FAT3: variants seen among roughly 807,000 people sequenced by gnomAD.
FAT3 encodes the protein protocadherin Fat 3.
In FAT3, 95 loss-of-function variants were observed where a neutral mutation model predicts 310.2. The ratio of observed to expected loss-of-function variants is 0.31; its 90% CI spans 0.26 to 0.36. The LOEUF is 0.36. Among genes scored for constraint, FAT3 ranks in the 10% least tolerant of loss-of-function variants. The pLI, the probability that FAT3 is intolerant of heterozygous loss-of-function variation, is 1.00. For synonymous variants in FAT3, 2,314 were observed against 2,192.9 expected, an observed-to-expected ratio of 1.06 and a Z score of -1.54; for missense variants, 5,408 against 5,715.6, an observed-to-expected ratio of 0.95 and a Z score of 1.74.
At chr11:92,705,865 T>G in intron 4 of FAT3, among the ~76,000 whole-genome samples, 3 of 127,062 alleles carry the variant, frequency 2.4e-5, no homozygotes, top group South Asian at 2.6e-4. Flanking sequence ...GTGATGGTGG[T>G]GGTGTGATGG....
chr11:92,681,278 C>G (rs1168184895), intron 3 of FAT3, among the ~76,000 whole-genome samples: 2 of 152,144 alleles, frequency 1.3e-5, no homozygotes, highest in Admixed American at 1.3e-4. Flanking sequence ...TAACACAAAG[C>G]AGGGGAGACT....
At chr11:92,882,581 C>T (rs1252368786) in intron 23 of FAT3, among the ~76,000 whole-genome samples, 157 bp from the exon 24 acceptor site, 1 of 104,628 alleles carries the variant, frequency 9.6e-6, no homozygotes, top group Non-Finnish European at 2.0e-5. Context: ...AAATTAACTC[C>T]CCCTCCCCCC....
Position 92,353,183 on chromosome 11 carries a change from A to G in FAT3, c.1071A>G (p.Ser357=), listed in dbSNP as rs751643807. The part of the protein sequence containing the change: ...AKDKGSPQKC[S]ALKAVYIGNP... The stretch of plus-strand genomic sequence containing the variant: ...ACAAGGGATCTCCTCAAAAATGTTC[A>G]GCATTAAAGGCAGTCTACATTGGCA... Residue 357 remains serine (S), a synonymous_variant, in exon 2 of 28, where the codon TCA becomes TCG. Transcript: ENST00000525166. 4.3e-6 allele frequency: 7 copies of G among 1,613,780 alleles called. No homozygotes were observed. In the South Asian group the frequency reaches 4.4e-5, roughly 10 times the overall value.
chr11:92,690,506 C>T lies in FAT3; in HGVS notation c.3608-6878C>T, dbSNP rs1007087256. Among the ~76,000 whole-genome samples, 9 of 152,152 alleles carry T rather than the reference C, an allele frequency of 5.9e-5. No homozygotes were observed. In the South Asian group the frequency reaches 8.3e-4, roughly 14 times the overall value. ...AACAACCCTTACTTAAGAAGCATAT[C>T]TCGTGGGGGTAGTTTCCAGAATCCT... On this transcript the variant is annotated intron_variant, in intron 3 of 27. Transcript: ENST00000525166.
chr11:92,312,303 G>T (rs983708397), intron 1 of FAT3, among the ~76,000 whole-genome samples: 1 of 152,140 alleles, frequency 6.6e-6, no homozygotes, highest in African/African-American at 2.4e-5. Flanking sequence ...AAATGTTTTC[G>T]CAGTAGTCTG....
At chr11:92,524,534 A>G (rs923048610) in intron 2 of FAT3, 100 bp from the exon 3 acceptor site, 8 of 1,172,746 alleles carry the variant, frequency 6.8e-6, no homozygotes, top group Middle Eastern at 4.2e-4. Context: ...GGTGTTTTTC[A>G]TATGCCAAGA....
Position 92,801,017 on chromosome 11 carries a change from G to A in FAT3, c.8004G>A (p.Gln2668=), listed in dbSNP as rs151199195. 4.8e-5 allele frequency: 77 copies of A among 1,613,676 alleles called. No individual in the cohort carries two copies. The African/African-American group carries it at 8.8e-4, about 18-fold the overall frequency. Residue 2668 remains glutamine (Q), a synonymous_variant, in exon 10 of 28, where the codon CAG becomes CAA. Transcript: ENST00000525166. ...TGGTCACAAAGGGTAATTTTAACCA[G>A]CTGAAAAATACAGTGCTTTCGTTCT... ...GWMVTKGNFN[Q]LKNTVLSFFV... is the part of the protein sequence containing the mutation.
intron 3 of FAT3, among the ~76,000 whole-genome samples, chr11:92,555,454 C>T (rs2846192): frequency 6.6e-6 from 1 of 152,132 alleles, no homozygotes; most frequent in Non-Finnish European, 1.5e-5. Flanking sequence ...AAGCCAAGTG[C>T]CCTCTGGGAT....
Position 92,337,993 on chromosome 11 carries a change from G to C in FAT3, c.-17-14103G>C, listed in dbSNP as rs531434527. Among the ~76,000 whole-genome samples, 16 of 152,156 alleles carry C rather than the reference G, an allele frequency of 1.1e-4. 1 individual carries two copies. The South Asian group carries it at 2.9e-3, about 28-fold the overall frequency. ...TTTAAAAAACGAGGAAATAGGAAAGGCATGTTAAACACAACAATAGAAATC... is the reference window on the plus strand; with the variant it reads ...TTTAAAAAACGAGGAAATAGGAAAGCCATGTTAAACACAACAATAGAAATC... On this transcript the variant is annotated intron_variant, in intron 1 of 27. Coordinates refer to ENST00000525166, the MANE Select transcript of FAT3 (RefSeq NM_001367949.2).
chr11:92,586,639 A>T (rs1939170791), intron 3 of FAT3, among the ~76,000 whole-genome samples: 1 of 137,924 alleles, frequency 7.3e-6, no homozygotes, highest in South Asian at 2.2e-4. Context: ...CTTTTTGTCA[A>T]TAAATTTAAA....
intron 2 of FAT3, among the ~76,000 whole-genome samples, chr11:92,508,993 G>A (rs1368489377): frequency 1.3e-5 from 2 of 152,066 alleles, no homozygotes; most frequent in African/African-American, 4.8e-5. Flanking sequence ...TATGCCTCAT[G>A]CAAAATCTTC....
chr11:92,340,220 G>A (rs1013393638), intron 1 of FAT3, among the ~76,000 whole-genome samples: 7 of 151,728 alleles, frequency 4.6e-5, no homozygotes, highest in African/African-American at 1.7e-4. Flanking sequence ...GAAAGGCATT[G>A]AAGTGTTTCT....
At chr11:92,773,378 A>G (rs1193043630) in intron 6 of FAT3, among the ~76,000 whole-genome samples, 11 of 152,154 alleles carry the variant, frequency 7.2e-5, no homozygotes, top group Non-Finnish European at 1.0e-4. Flanking sequence ...TTCTTTCCCA[A>G]TTTTATTTTG....
intron 4 of FAT3, among the ~76,000 whole-genome samples, chr11:92,728,802 TCTCTGTTTCTTC>T (rs1945080980): frequency 6.6e-6 from 1 of 152,230 alleles, no homozygotes; most frequent in Admixed American, 6.5e-5. Flanking sequence ...ATCCCTCTAA[TCTCTGTTTCTTC>T]CTCTTCCGAG....
At chr11:92,435,506 C>CCTTCCTTCCTTCCTTT (rs1337385501) in intron 2 of FAT3, among the ~76,000 whole-genome samples, 1 of 141,250 alleles carries the variant, frequency 7.1e-6, no homozygotes, top group African/African-American at 2.9e-5. Context: ...TTCCTTCCTT[C>CCTTCCTTCCTTCCTTT]CTTCCTTCCT....
chr11:92,811,558 C>G (rs1231986227), intron 13 of FAT3, among the ~76,000 whole-genome samples: 1 of 152,054 alleles, frequency 6.6e-6, no homozygotes, highest in African/African-American at 2.4e-5. Flanking sequence ...ACTATGTCCT[C>G]CTTTCACTTA....
intron 2 of FAT3, among the ~76,000 whole-genome samples, chr11:92,503,784 A>T (rs1953017616): frequency 6.6e-6 from 1 of 152,118 alleles, no homozygotes; most frequent in Non-Finnish European, 1.5e-5. Flanking sequence ...TACTAAATAT[A>T]ATTTAAAAAA....
chr11:92,572,569 C>T (rs1208685294), intron 3 of FAT3, among the ~76,000 whole-genome samples: 2 of 152,132 alleles, frequency 1.3e-5, no homozygotes, highest in African/African-American at 4.8e-5. Context: ...TGGAAGATCG[C>T]ATGTAGCAAT....
In FAT3 at chr11:92,801,089, T is replaced by A; in HGVS notation, c.8076T>A (p.Ile2692=). The A allele has an allele frequency of 6.2e-7, 1 of 1,613,930 alleles. No homozygotes were observed. Among genetic ancestry groups the A allele is most frequent in the Non-Finnish European group, 8.5e-7 (1 of 1,179,854 alleles). Residue 2692 remains isoleucine, a synonymous_variant, in exon 10 of 28, where the codon ATT becomes ATA. Coordinates refer to ENST00000525166, the MANE Select transcript of FAT3 (RefSeq NM_001367949.2). ...GCATCCCAGTAAAGCACTCCCTCATTCCTGTCTATATCCACGTCTTGCCCC... is the reference window on the plus strand; with the variant it reads ...GCATCCCAGTAAAGCACTCCCTCATACCTGTCTATATCCACGTCTTGCCCC... ...DGGIPVKHSL[I]PVYIHVLPPE... is the part of the protein sequence containing the mutation.
Sources: allele counts gnomAD v4.1 joint callset (sites outside exome capture counted in the v4.1 genomes callset), GRCh38; gene constraint gnomAD v4.1.1; transcripts MANE v1.5; gene names NCBI Gene and HGNC (gene_info 2026-07-23, HGNC 2026-07-21).